The following BCAS2 variants were observed in gnomAD, a reference collection of about 807,000 sequenced individuals.
BCAS2 encodes pre-mRNA-splicing factor SPF27.
BCAS2 carries 34 observed loss-of-function variants against 35.3 expected under a neutral mutation model. The ratio of observed to expected loss-of-function variants is 0.96; its 90% CI spans 0.73 to 1.28. The LOEUF is 1.28. BCAS2 is among the 50% of genes most tolerant of loss of function. BCAS2 has a pLI of 0.00. For missense variants in BCAS2, 221 were observed against 268.1 expected, an observed-to-expected ratio of 0.82 and a Z score of 1.23; for synonymous variants, 75 against 91.6, an observed-to-expected ratio of 0.82 and a Z score of 1.03.
Position 114,581,510 on chromosome 1 carries a change from C to T in BCAS2, c.82G>A (p.Val28Met). The change falls in exon 1 of 7, where the codon GTG (valine) becomes ATG (methionine). Residue 28 changes from valine (V) to methionine (M), a missense_variant. Coordinates refer to ENST00000369541, the MANE Select transcript of BCAS2 (RefSeq NM_005872.3). ...CACCCCGCACTCACCGCTTCCCGCA[C>T]ACCAGGGGCTTCATAACCTTGATCA... ...YFDQGYEAPG[V>M]REAAAALVEE... 1 of 1,614,196 alleles carries T rather than the reference C, an allele frequency of 6.2e-7. No homozygotes were observed.
At chr1:114,569,343 A>C (rs1654595221) in intron 6 of BCAS2, among the ~76,000 whole-genome samples, 1 of 152,146 alleles carries the variant, frequency 6.6e-6, no homozygotes. Flanking sequence ...TGGCCAAGCA[A>C]AAAGGAAGAG....
At position 114,581,598 on chromosome 1, in the gene BCAS2, G is replaced by C. The variant is rs375055897; in HGVS notation, c.-7C>G. 3.7e-6 allele frequency: 6 copies of C among 1,612,968 alleles called. No individual in the cohort carries two copies. The highest frequency in any genetic ancestry group is 1.7e-5 in the Admixed American group (1 of 59,994). On this transcript the variant is annotated 5_prime_UTR_variant, in exon 1 of 7. Transcript: ENST00000369541. ...CCAAACCTGTGCCCGCCATTCTGAG[G>C]ACCTCAGGTTTGCCTGCGTTTTCTG...
At chr1:114,578,210 CAAAA>C (rs151198892) in intron 2 of BCAS2, among the ~76,000 whole-genome samples, 2 of 150,024 alleles carry the variant, frequency 1.3e-5, no homozygotes, top group African/African-American at 5.0e-5. Context: ...AACAAAAAAA[CAAAA>C]AAACAAAAAA....
chr1:114,574,615 G>A (rs12745526), intron 4 of BCAS2, among the ~76,000 whole-genome samples: 1,587 of 152,308 alleles, frequency 0.01, 13 homozygotes, highest in Non-Finnish European at 0.016. Flanking sequence ...TGACTAATGA[G>A]AATCAACTGT....
intron 5 of BCAS2, 77 bp from the exon 6 acceptor site, chr1:114,570,149 A>G: frequency 2.0e-6 from 2 of 976,402 alleles, no homozygotes; most frequent in South Asian, 1.4e-5. Context: ...ATAACACAAG[A>G]GAATATCTTA....
In BCAS2 at chr1:114,567,873, A is replaced by G. The variant is rs552943860; in HGVS notation, c.*257T>C. ...TGGCTGAAAATTAATTCTATGACAC[A>G]ATATTATTCTAAAGTCATCCTTATT... On this transcript the variant is annotated 3_prime_UTR_variant, in exon 7 of 7. Coordinates refer to ENST00000369541, the MANE Select transcript of BCAS2 (RefSeq NM_005872.3). 2.7e-5 allele frequency: 9 copies of G among 335,170 alleles called. 1 individual carries two copies. The South Asian group carries it at 5.2e-4, about 20-fold the overall frequency. 20.8% of individuals were successfully genotyped at this position (335,170 alleles called of 1,614,324 possible).
At chr1:114,573,082 C>T (rs538631287) in intron 4 of BCAS2, among the ~76,000 whole-genome samples, 3 of 120,468 alleles carry the variant, frequency 2.5e-5, no homozygotes, top group East Asian at 2.7e-4. Flanking sequence ...CTAGCTTGGG[C>T]GACAGAGCAA....
At chr1:114,572,455 T>G (rs1224667134) in intron 4 of BCAS2, among the ~76,000 whole-genome samples, 1 of 152,194 alleles carries the variant, frequency 6.6e-6, no homozygotes, top group Non-Finnish European at 1.5e-5. Context: ...TTTGATAAAA[T>G]ATAGTACATC....
At chr1:114,573,061 G>A (rs946920748) in intron 4 of BCAS2, among the ~76,000 whole-genome samples, 3 of 144,732 alleles carry the variant, frequency 2.1e-5, no homozygotes, top group Non-Finnish European at 4.5e-5. Flanking sequence ...CTGAGATTGT[G>A]GCACTGCAAT....
chr1:114,573,121 CCAAA>C (rs1654680633), intron 4 of BCAS2, among the ~76,000 whole-genome samples: 1 of 5,150 alleles, frequency 1.9e-4, no homozygotes, highest in Admixed American at 2.1e-3. Flanking sequence ...GCCCCCACCT[CCAAA>C]AAAAAAAAAA....
rs368664770 is a variant in BCAS2, at chr1:114,568,229, A to G, written c.579T>C (p.Tyr193=). ...GCTGAACAATAGTCCGTTCAATCTC[A>G]TAATTCTTACTGACCAGGGATACCC... The part of the protein sequence containing the change: ...SNWVSLVSKN[Y]EIERTIVQLE... The change falls in exon 7 of 7, where the codon TAT becomes TAC. Residue 193 remains tyrosine (Y), a synonymous_variant. Transcript: ENST00000369541. 1.1e-5 allele frequency: 17 copies of G among 1,613,712 alleles called. No individual in the cohort carries two copies. The African/African-American group carries it at 2.1e-4, about 20-fold the overall frequency.
Position 114,581,285 on chromosome 1 carries a change from C to T in BCAS2, c.186+14G>A. Reference sequence around the variant, plus strand: ...AGGAATTCTCGTTCACACCTAGGCTCAAGACATACTTACTTCAAAGGCAGA... The same window carrying T: ...AGGAATTCTCGTTCACACCTAGGCTTAAGACATACTTACTTCAAAGGCAGA... On this transcript the variant is annotated intron_variant, in intron 2 of 6. Coordinates refer to ENST00000369541, the MANE Select transcript of BCAS2 (RefSeq NM_005872.3). 1 of 1,613,428 alleles carries T rather than the reference C, an allele frequency of 6.2e-7. No individual in the cohort carries two copies.
intron 3 of BCAS2, 91 bp from the exon 4 acceptor site, chr1:114,575,842 A>G: frequency 2.9e-6 from 4 of 1,402,182 alleles, no homozygotes; most frequent in Non-Finnish European, 3.8e-6. Context: ...GTCTCCATAT[A>G]GTATAAAAAC....
In BCAS2 at chr1:114,576,772, C is replaced by G. The variant is rs752903973; in HGVS notation, c.187-14G>C. 1 of 1,591,332 alleles carries G rather than the reference C, an allele frequency of 6.3e-7. No homozygotes were observed. Among genetic ancestry groups the G allele is most frequent in the Non-Finnish European group, 8.6e-7 (1 of 1,165,982 alleles). ...CATTATGTCAGTCTGATGTGTAAATCAGAAAAAAGATTTCTAAGATCATGT... is the reference window on the plus strand; with the variant it reads ...CATTATGTCAGTCTGATGTGTAAATGAGAAAAAAGATTTCTAAGATCATGT... On this transcript the variant is annotated splice_polypyrimidine_tract_variant and intron_variant, in intron 2 of 6. Transcript: ENST00000369541.
At chr1:114,568,862 A>G (rs1454123681) in intron 6 of BCAS2, among the ~76,000 whole-genome samples, 1 of 149,584 alleles carries the variant, frequency 6.7e-6, no homozygotes, top group African/African-American at 2.5e-5. Context: ...TCCTGAGCTC[A>G]AGCAATCCTC....
At position 114,570,074 on chromosome 1, in the gene BCAS2, T is replaced by C. The variant is rs1275939298; in HGVS notation, c.471-2A>G. On this transcript the variant is annotated splice_acceptor_variant, in intron 5 of 6. Coordinates refer to ENST00000369541, the MANE Select transcript of BCAS2 (RefSeq NM_005872.3). LOFTEE classifies it high-confidence loss of function. Reference sequence around the variant, plus strand: ...CAGTTTAAATCTTGAATATGTTTTCTGTAAAAAATTATTTATACAACCCAA... The same window carrying C: ...CAGTTTAAATCTTGAATATGTTTTCCGTAAAAAATTATTTATACAACCCAA... The C allele has an allele frequency of 2.5e-6, 4 of 1,601,334 alleles. No homozygotes were observed. The Admixed American group carries it at 6.7e-5, about 27-fold the overall frequency.
At chr1:114,568,291 C>A in intron 6 of BCAS2, 35 bp from the exon 7 acceptor site, 1 of 1,596,068 alleles carries the variant, frequency 6.3e-7, no homozygotes, top group South Asian at 1.1e-5. Context: ...AAAAATTACT[C>A]AATGTAAAAC....
chr1:114,569,483 A>T (rs141750974), intron 6 of BCAS2, among the ~76,000 whole-genome samples: 1 of 152,120 alleles, frequency 6.6e-6, no homozygotes, highest in African/African-American at 2.4e-5. Flanking sequence ...CCTCCCTACA[A>T]GATTTTATAA....
chr1:114,568,368 C>CTTTT (rs71090789), intron 6 of BCAS2, 112 bp from the exon 7 acceptor site: 3,315 of 875,088 alleles, frequency 3.8e-3, no homozygotes, highest in Non-Finnish European at 4.3e-3. Context: ...CTAACCTTCA[C>CTTTT]TTTTTTTTTT....
Sources: allele counts gnomAD v4.1 joint callset (sites outside exome capture counted in the v4.1 genomes callset), GRCh38; gene constraint gnomAD v4.1.1; transcripts MANE v1.5; gene names NCBI Gene and HGNC (gene_info 2026-07-23, HGNC 2026-07-21).